Variants in ACO2 observed in about 807,000 individuals in gnomAD.
The protein encoded by ACO2 is aconitase 2.
In ACO2, 31 loss-of-function variants were observed where a neutral mutation model predicts 84.5. The ratio of observed to expected loss-of-function variants is 0.37; its 90% CI spans 0.28 to 0.50. The LOEUF is 0.50. ACO2 is among the 20% of genes least tolerant of loss of function. The pLI is 0.97. For missense variants in ACO2, 685 were observed against 1,029.3 expected (o/e 0.67, Z 4.58); for synonymous variants, 414 against 412.7 (o/e 1.00, Z -0.04).
In ACO2 at chr22:41,504,705, T is replaced by TA. The variant is rs532027012; in HGVS notation, c.174-3085dup. On this transcript the variant is annotated intron_variant, in intron 2 of 17. Transcript: ENST00000216254. ...GCTGTTGCCAGCAGATCCAGCACCT[T>TA]AGGGACTTTTTTTTTTTTTTTTTTT... 3.9e-3 allele frequency among the ~76,000 whole-genome samples: 502 copies of TA among 127,888 alleles called. 8 individuals are homozygous for TA. The highest frequency in any genetic ancestry group is 0.016 in the African/African-American group (485 of 30,754). 83.9% of individuals were successfully genotyped at this position (127,888 alleles called of 152,430 possible). A position where few individuals can be genotyped will look rare whatever the true frequency, so the allele number is the denominator to read the frequency against.
intron 1 of ACO2, among the ~76,000 whole-genome samples, chr22:41,473,829 A>G (rs1334306841): frequency 6.6e-6 from 1 of 152,168 alleles, no homozygotes; most frequent in Non-Finnish European, 1.5e-5. Flanking sequence ...CAGAGCACCC[A>G]CCTAGGTATG....
Position 41,511,987 on chromosome 22 carries a change from T to G in ACO2, c.525+19T>G. On this transcript the variant is annotated intron_variant, in intron 4 of 17. Coordinates refer to ENST00000216254, the MANE Select transcript of ACO2 (RefSeq NM_001098.3). ...TCACCAGGTAAAGCTGGGCTCAGTCTGCCGTCCCAAGGGCCCAAGCCAGAG... is the reference window on the plus strand; with the variant it reads ...TCACCAGGTAAAGCTGGGCTCAGTCGGCCGTCCCAAGGGCCCAAGCCAGAG... 6.3e-7 allele frequency: 1 copy of G among 1,595,560 alleles called. No homozygotes were observed. Among genetic ancestry groups the G allele is most frequent in the Admixed American group, 1.7e-5 (1 of 58,038 alleles).
intron 2 of ACO2, among the ~76,000 whole-genome samples, chr22:41,503,964 G>A (rs1014428480): frequency 9.2e-5 from 14 of 152,266 alleles, no homozygotes; most frequent in African/African-American, 2.2e-4. Context: ...CTGTAATCCC[G>A]GCACTTTGGG....
intron 12 of ACO2, among the ~76,000 whole-genome samples, chr22:41,524,471 A>G (rs981694333): frequency 1.3e-5 from 2 of 152,224 alleles, no homozygotes; most frequent in Non-Finnish European, 2.9e-5. Context: ...GTCTTGCTAA[A>G]TGGGTGAAGG....
intron 2 of ACO2, among the ~76,000 whole-genome samples, chr22:41,500,168 G>A (rs2066343744): frequency 6.6e-6 from 1 of 151,960 alleles, no homozygotes; most frequent in Admixed American, 6.6e-5. Flanking sequence ...GCTGACCCTC[G>A]GCCTGCCCTC....
chr22:41,515,641 C>A lies in ACO2; in HGVS notation c.684+106C>A, dbSNP rs776880915. ...GAGGGAAAAGGGAACAAGTTAGACT[C>A]GAATCTTCTGGGAGGGAGGTAGAGA... On this transcript the variant is annotated intron_variant, in intron 5 of 17. Coordinates refer to ENST00000216254, the MANE Select transcript of ACO2 (RefSeq NM_001098.3). The surrounding 1 kb of genome is among the most constrained non-coding windows in gnomAD (Gnocchi z 5.8). 3 of 1,581,482 alleles carry A rather than the reference C, an allele frequency of 1.9e-6. No homozygotes were observed. The highest frequency in any genetic ancestry group is 1.3e-5 in the African/African-American group (1 of 74,332).
chr22:41,500,699 A>T (rs539993041), intron 2 of ACO2, among the ~76,000 whole-genome samples: 3 of 150,176 alleles, frequency 2.0e-5, no homozygotes, highest in South Asian at 2.1e-4. Flanking sequence ...TTATTTTATG[A>T]TTTTATGTTA....
At chr22:41,526,568 A>T in intron 15 of ACO2, 115 bp downstream of exon 15, 1 of 1,198,444 alleles carries the variant, frequency 8.3e-7, no homozygotes, top group Non-Finnish European at 1.2e-6. Flanking sequence ...ACCAAGCCCA[A>T]AGGGGACTGC....
intron 14 of ACO2, 140 bp from the exon 15 acceptor site, chr22:41,526,122 C>T (rs140147006): frequency 2.9e-5 from 20 of 687,354 alleles, no homozygotes; most frequent in East Asian, 2.5e-4. Context: ...CCACAGAACA[C>T]GTGTCTGAAG....
At chr22:41,474,441 C>T (rs1165033520) in intron 1 of ACO2, among the ~76,000 whole-genome samples, 2 of 149,828 alleles carry the variant, frequency 1.3e-5, no homozygotes, top group African/African-American at 2.5e-5. Flanking sequence ...CTACAGGCGC[C>T]TGCCACCACG....
chr22:41,520,146 TCTC>T (rs2066511249), intron 8 of ACO2, 22 bp from the exon 9 acceptor site: 1 of 1,596,652 alleles, frequency 6.3e-7, no homozygotes, highest in Non-Finnish European at 8.6e-7. Context: ...CTCTCTTTCT[TCTC>T]CTTGCATGTT....
At chr22:41,508,492 A>T (rs932742828) in intron 3 of ACO2, among the ~76,000 whole-genome samples, 1 of 152,166 alleles carries the variant, frequency 6.6e-6, no homozygotes, top group Non-Finnish European at 1.5e-5. Context: ...CACTATTTGT[A>T]AATTTGAGGC....
chr22:41,501,583 G>GC (rs1306159704), intron 2 of ACO2, among the ~76,000 whole-genome samples: 1 of 152,184 alleles, frequency 6.6e-6, no homozygotes, highest in Non-Finnish European at 1.5e-5. Flanking sequence ...ATGGGGCTGT[G>GC]CCCTTGCCTG....
At chr22:41,477,790 G>C (rs1330926650) in intron 1 of ACO2, among the ~76,000 whole-genome samples, 1 of 152,056 alleles carries the variant, frequency 6.6e-6, no homozygotes, top group African/African-American at 2.4e-5. Context: ...GTTGTGGCCG[G>C]GCACAGTGGC....
rs540009956 is a variant in ACO2, at chr22:41,508,681, C to T, written c.432+632C>T. Among the ~76,000 whole-genome samples, 17 of 152,296 alleles carry T rather than the reference C, an allele frequency of 1.1e-4. 2 individuals carry two copies. The South Asian group carries it at 3.3e-3, about 30-fold the overall frequency. On this transcript the variant is annotated intron_variant, in intron 3 of 17. Transcript: ENST00000216254. Reference sequence around the variant, plus strand: ...TATGCCATGCTGAAGGCTTTTCCCCCACCCTTCTATGAAATCGAGTTCCTG... The same window carrying T: ...TATGCCATGCTGAAGGCTTTTCCCCTACCCTTCTATGAAATCGAGTTCCTG...
intron 1 of ACO2, among the ~76,000 whole-genome samples, chr22:41,482,549 G>C (rs1374365700): frequency 6.6e-6 from 1 of 152,244 alleles, no homozygotes; most frequent in African/African-American, 2.4e-5. Context: ...CCACTTAGGT[G>C]TAAAATTAGG....
At chr22:41,490,451 C>T (rs565280990) in intron 1 of ACO2, among the ~76,000 whole-genome samples, 3 of 152,284 alleles carry the variant, frequency 2.0e-5, no homozygotes, top group Non-Finnish European at 2.9e-5. Context: ...TCTTTGTAAA[C>T]AGCTGTAGAG....
rs117944968 is a variant in ACO2, at chr22:41,518,449, C to G, written c.941-32C>G. 9 of 1,540,702 alleles carry G rather than the reference C, an allele frequency of 5.8e-6. 2 individuals are homozygous for G. In the Admixed American group the frequency reaches 1.0e-4, roughly 17 times the overall value. ...ACTCTCAAGAACAGTTTATGTTTCA[C>G]GTGCTCCATCCCCGTCCCTTGTTGA... On this transcript the variant is annotated intron_variant, in intron 7 of 17. Coordinates refer to ENST00000216254, the MANE Select transcript of ACO2 (RefSeq NM_001098.3).
intron 14 of ACO2, 99 bp from the exon 15 acceptor site, chr22:41,526,163 C>T (rs911036617): frequency 1.8e-6 from 2 of 1,126,854 alleles, no homozygotes; most frequent in Non-Finnish European, 2.6e-6. Flanking sequence ...TCTGTCACCC[C>T]TCCTGGGCCC....
Sources: allele counts gnomAD v4.1 joint callset (sites outside exome capture counted in the v4.1 genomes callset), GRCh38; gene constraint gnomAD v4.1.1; non-coding constraint Gnocchi (gnomAD v3.1); transcripts MANE v1.5; gene names NCBI Gene and HGNC (gene_info 2026-07-23, HGNC 2026-07-21).